CHRNA1: variants seen among roughly 807,000 people sequenced by gnomAD.
The protein encoded by CHRNA1 is acetylcholine receptor subunit alpha.
Under a neutral mutation model 47.1 loss-of-function variants are expected in CHRNA1, and 35 were observed. The ratio of observed to expected loss-of-function variants is 0.74; its 90% CI spans 0.57 to 0.99. The LOEUF (loss-of-function observed/expected upper bound fraction) is 0.99. Among genes scored for constraint, CHRNA1 ranks in the 50% least tolerant of loss-of-function variants. CHRNA1 has a pLI of 0.00. For synonymous variants in CHRNA1, 229 were observed against 223.6 expected (o/e 1.02, Z -0.22); for missense variants, 506 against 591.1 (o/e 0.86, Z 1.49).
intron 4 of CHRNA1, among the ~76,000 whole-genome samples, chr2:174,756,486 G>A (rs1280414467): frequency 6.6e-6 from 1 of 152,212 alleles, no homozygotes; most frequent in Non-Finnish European, 1.5e-5. Flanking sequence ...GAGTCATAGG[G>A]TTGTCTTAGT....
intron 1 of CHRNA1, among the ~76,000 whole-genome samples, chr2:174,761,772 G>T (rs1415860838): frequency 1.3e-5 from 2 of 152,166 alleles, no homozygotes; most frequent in African/African-American, 4.8e-5. Context: ...ACCCCATTGA[G>T]CCCCTGGGAC....
chr2:174,748,165 C>T lies in CHRNA1; in HGVS notation c.1333G>A (p.Val445Met), dbSNP rs372104868. 43 of 1,614,124 alleles carry T rather than the reference C, an allele frequency of 2.7e-5. No individual in the cohort carries two copies. In the African/African-American group the frequency reaches 3.9e-4, roughly 15 times the overall value. The change falls in exon 9 of 9, where the codon GTG becomes ATG. Residue 445 changes from valine to methionine, a missense_variant. By Grantham distance (21) the Val-to-Met change is conservative. Transcript: ENST00000348749. ...MLVCIIGTLA[V>M]FAGRLIELNQ... ...AATTCAATGAGTCGACCTGCAAACACGGCTAGGGTTCCGATGATGCAAACA... is the reference window on the plus strand; with the variant it reads ...AATTCAATGAGTCGACCTGCAAACATGGCTAGGGTTCCGATGATGCAAACA...
rs1419004619 is a variant in CHRNA1 at position 174,759,376 on chromosome 2, C to T, written c.190-1G>A. The T allele has an allele frequency of 6.3e-7, 1 of 1,589,534 alleles. No individual in the cohort carries two copies. Among genetic ancestry groups the T allele is most frequent in the Non-Finnish European group, 8.6e-7 (1 of 1,164,562 alleles). On this transcript the variant is annotated splice_acceptor_variant, in intron 2 of 8. Coordinates refer to ENST00000348749, the MANE Select transcript of CHRNA1 (RefSeq NM_000079.4). LOFTEE classifies it high-confidence loss of function. ...TTGTCACGATCTGATTTACTTCATC[C>T]TGGAAAAAAAAATAAGGATCATTTT... is the stretch of plus-strand genomic sequence containing the variant.
chr2:174,749,262 G>A (rs780665085), intron 7 of CHRNA1, among the ~76,000 whole-genome samples: 16 of 152,188 alleles, frequency 1.1e-4, no homozygotes, highest in Non-Finnish European at 1.0e-4. Flanking sequence ...CTGCAGTACA[G>A]GTATTGCCAG....
intron 4 of CHRNA1, among the ~76,000 whole-genome samples, chr2:174,757,091 A>G (rs1683993498): frequency 6.6e-6 from 1 of 152,072 alleles, no homozygotes; most frequent in African/African-American, 2.4e-5. Context: ...TGACAACCCT[A>G]GGAGGCTCAG....
Position 174,748,539 on chromosome 2 carries a change from A to G in CHRNA1, c.1242+41T>C, listed in dbSNP as rs768762831. 200 of 1,604,538 alleles carry G rather than the reference A, an allele frequency of 1.2e-4. 1 individual carries two copies. The highest frequency in any genetic ancestry group is 1.6e-4 in the Non-Finnish European group (192 of 1,174,062). On this transcript the variant is annotated intron_variant, in intron 8 of 8. Transcript: ENST00000348749. ...ACCACCTGTGCTCATACATTTGACCATTTAAACCCAGAGGCATGAATTTCA... is the reference window on the plus strand; with the variant it reads ...ACCACCTGTGCTCATACATTTGACCGTTTAAACCCAGAGGCATGAATTTCA...
intron 4 of CHRNA1, among the ~76,000 whole-genome samples, chr2:174,756,031 TG>T (rs758847352): frequency 3.6e-4 from 14 of 38,780 alleles, no homozygotes; most frequent in Non-Finnish European, 7.6e-4. Flanking sequence ...GCAGAGACCT[TG>T]TCTCAAAAAA....
At chr2:174,754,194 C>G in intron 5 of CHRNA1, 25 bp downstream of exon 5, 1 of 1,611,500 alleles carries the variant, frequency 6.2e-7, no homozygotes. Flanking sequence ...TGAAACCACC[C>G]TTATCATATG....
In CHRNA1 at chr2:174,759,361, C is replaced by T. The variant is rs886043372; in HGVS notation, c.204G>A (p.Gln68=). 3.7e-6 allele frequency: 6 copies of T among 1,611,928 alleles called. No homozygotes were observed. The highest frequency in any genetic ancestry group is 5.1e-6 in the Non-Finnish European group (6 of 1,179,158). Residue 68 remains glutamine (Q), a synonymous_variant, in exon 3 of 9, where the codon CAG becomes CAA. Coordinates refer to ENST00000348749, the MANE Select transcript of CHRNA1 (RefSeq NM_000079.4). ...TCAGACGCACATTGGTTGTCACGAT[C>T]TGATTTACTTCATCCTGGAAAAAAA... ...IQLINVDEVN[Q]IVTTNVRLKQ...
chr2:174,748,826 T>TA lies in CHRNA1; in HGVS notation c.1003-8dup, dbSNP rs1251304590. The TA allele has an allele frequency of 1.9e-6, 3 of 1,613,580 alleles. No individual in the cohort carries two copies. The African/African-American group carries it at 4.0e-5, about 22-fold the overall frequency. ...GGATAGTGTCGATAAAAACCTAACA[T>TA]AAAAAAGAAATCCATGCATGAGAAT... On this transcript the variant is annotated splice_region_variant and splice_polypyrimidine_tract_variant and intron_variant, in intron 7 of 8. Transcript: ENST00000348749.
chr2:174,762,711 T>C (rs775144717), intron 1 of CHRNA1, among the ~76,000 whole-genome samples: 13 of 152,170 alleles, frequency 8.5e-5, no homozygotes, highest in Non-Finnish European at 1.6e-4. Flanking sequence ...AGAACAGAGA[T>C]CACGCTGTGT....
chr2:174,755,809 G>A (rs936290364), intron 4 of CHRNA1, among the ~76,000 whole-genome samples: 1 of 152,158 alleles, frequency 6.6e-6, no homozygotes, highest in Non-Finnish European at 1.5e-5. Context: ...ACTAAGGCAG[G>A]AAGATCGCTT....
rs74434776 is a variant in CHRNA1, at chr2:174,758,264, C to A, written c.235-589G>T. On this transcript the variant is annotated intron_variant, in intron 3 of 8. Coordinates refer to ENST00000348749, the MANE Select transcript of CHRNA1 (RefSeq NM_000079.4). Reference sequence around the variant, plus strand: ...TCTCTATTAAAAACACAAAAATTAGCCGGGCGTGGTGGTAGGCGCCTGTAG... The same window carrying A: ...TCTCTATTAAAAACACAAAAATTAGACGGGCGTGGTGGTAGGCGCCTGTAG... 0.025 allele frequency among the ~76,000 whole-genome samples: 3,798 copies of A among 152,114 alleles called. 169 individuals carry two copies. The highest frequency in any genetic ancestry group is 0.086 in the African/African-American group (3,586 of 41,470).
intron 4 of CHRNA1, 106 bp from the exon 5 acceptor site, chr2:174,754,520 T>G (rs1311631233): frequency 7.4e-6 from 7 of 951,450 alleles, no homozygotes; most frequent in Non-Finnish European, 1.2e-5. Flanking sequence ...AGGTGCTAAT[T>G]ATAGAAGCTC....
Position 174,764,027 on chromosome 2 carries a change from C to T in CHRNA1, c.43+325G>A, listed in dbSNP as rs1684144072. Among the ~76,000 whole-genome samples, 4 of 152,232 alleles carry T rather than the reference C, an allele frequency of 2.6e-5. 1 individual carries two copies. In the South Asian group the frequency reaches 8.3e-4, roughly 32 times the overall value. ...ATGAACCCCCGGACACTACCATGATCCACAAGTGGTCCAGGTCCTACAAAT... is the reference window on the plus strand; with the variant it reads ...ATGAACCCCCGGACACTACCATGATTCACAAGTGGTCCAGGTCCTACAAAT... On this transcript the variant is annotated intron_variant, in intron 1 of 8. Coordinates refer to ENST00000348749, the MANE Select transcript of CHRNA1 (RefSeq NM_000079.4).
intron 7 of CHRNA1, among the ~76,000 whole-genome samples, chr2:174,749,069 CA>C (rs1683795666): frequency 6.6e-6 from 1 of 152,138 alleles, no homozygotes. Flanking sequence ...GGAGGGAGCC[CA>C]TGTGCAGTCA....
At chr2:174,763,011 C>CG (rs1322757256) in intron 1 of CHRNA1, among the ~76,000 whole-genome samples, 2 of 152,196 alleles carry the variant, frequency 1.3e-5, no homozygotes, top group Non-Finnish European at 2.9e-5. Context: ...AAGTCTCCAA[C>CG]TGACCACATT....
intron 7 of CHRNA1, among the ~76,000 whole-genome samples, chr2:174,749,675 T>G (rs1683807304): frequency 1.3e-5 from 2 of 152,218 alleles, no homozygotes; most frequent in Admixed American, 1.3e-4. Flanking sequence ...AAGCAGCCGT[T>G]TGTTCATCTT....
At chr2:174,753,787 T>C (rs1256067156) in intron 5 of CHRNA1, 47 bp from the exon 6 acceptor site, 13 of 1,574,504 alleles carry the variant, frequency 8.3e-6, no homozygotes, top group Non-Finnish European at 1.1e-5. Context: ...GTCACCCTGA[T>C]GAGGGGCAGC....
Sources: allele counts gnomAD v4.1 joint callset (sites outside exome capture counted in the v4.1 genomes callset), GRCh38; gene constraint gnomAD v4.1.1; transcripts MANE v1.5; gene names NCBI Gene and HGNC (gene_info 2026-07-23, HGNC 2026-07-21).